The following ADAMTSL1 variants were observed in gnomAD, a reference collection of about 807,000 sequenced individuals.
ADAMTSL1 encodes the protein ADAMTS like 1, also known as ADAMTS-like protein 1.
A neutral mutation model predicts 201.8 loss-of-function variants in ADAMTSL1; 126 were observed. The ratio of observed to expected loss-of-function variants is 0.62; its 90% confidence interval spans 0.54 to 0.72. The LOEUF is 0.72. ADAMTSL1 is among the 30% of genes least tolerant of loss of function. The probability of loss-of-function intolerance (pLI) is 0.00; values close to 1 mark genes in which losing one functional copy is unlikely to be tolerated. For missense variants in ADAMTSL1, 2,679 were observed against 2,277.8 expected, an observed-to-expected ratio of 1.18 and a Z score of -3.59; for synonymous variants, 1,121 against 903.4, an observed-to-expected ratio of 1.24 and a Z score of -4.32.
intron 4 of ADAMTSL1, among the ~76,000 whole-genome samples, chr9:18,610,463 C>G (rs558649471): frequency 7.9e-5 from 12 of 152,236 alleles, no homozygotes; most frequent in African/African-American, 2.6e-4. Flanking sequence ...GATCAATTCT[C>G]TCCAGGCTCT....
intron 2 of ADAMTSL1, among the ~76,000 whole-genome samples, chr9:18,175,605 A>G (rs1266996791): frequency 1.3e-5 from 2 of 152,074 alleles, no homozygotes; most frequent in Admixed American, 6.6e-5. Flanking sequence ...TTCATATCAT[A>G]TTATCAGTTC....
At chr9:18,680,278 A>C (rs754821126) in intron 10 of ADAMTSL1, 34 bp from the exon 11 acceptor site, 4 of 1,602,326 alleles carry the variant, frequency 2.5e-6, no homozygotes, top group Non-Finnish European at 3.4e-6. Context: ...AGCAATGTGC[A>C]TGTCTGCCCT....
At chr9:18,884,587 A>G (rs1234380256) in intron 23 of ADAMTSL1, among the ~76,000 whole-genome samples, 1 of 152,062 alleles carries the variant, frequency 6.6e-6, no homozygotes. Context: ...GTTAATTTTT[A>G]TATATAGTGT....
intron 1 of ADAMTSL1, among the ~76,000 whole-genome samples, chr9:18,048,229 C>A (rs2131657212): frequency 6.6e-6 from 1 of 152,248 alleles, no homozygotes. Flanking sequence ...CATCAACTCA[C>A]ATTTTGTTTA....
intron 10 of ADAMTSL1, 40 bp from the exon 11 acceptor site, chr9:18,680,272 A>C (rs1830383174): frequency 6.3e-7 from 1 of 1,593,258 alleles, no homozygotes; most frequent in African/African-American, 1.3e-5. Context: ...AGGCTTAGCA[A>C]TGTGCATGTC....
chr9:18,019,524 A>G (rs1321454820), intron 1 of ADAMTSL1, among the ~76,000 whole-genome samples: 1 of 152,104 alleles, frequency 6.6e-6, no homozygotes. Flanking sequence ...GATTGAAGGT[A>G]TACCTCACAC....
At chr9:18,615,594 TTA>T (rs1377853151) in intron 4 of ADAMTSL1, among the ~76,000 whole-genome samples, 2 of 152,204 alleles carry the variant, frequency 1.3e-5, no homozygotes, top group African/African-American at 2.4e-5. Context: ...GGAATTTTGG[TTA>T]TGTTATTCAC....
intron 3 of ADAMTSL1, among the ~76,000 whole-genome samples, chr9:18,539,051 C>A (rs10963627): frequency 6.6e-6 from 1 of 151,964 alleles, no homozygotes; most frequent in Non-Finnish European, 1.5e-5. Flanking sequence ...CAGCCAAGAG[C>A]CACTCTAAGA....
chr9:18,806,748 AG>A (rs1823146628), intron 20 of ADAMTSL1, among the ~76,000 whole-genome samples: 1 of 152,338 alleles, frequency 6.6e-6, no homozygotes, highest in African/African-American at 2.4e-5. Flanking sequence ...GCATTGCTCC[AG>A]GGGTTACTCA....
intron 13 of ADAMTSL1, among the ~76,000 whole-genome samples, chr9:18,685,141 G>A (rs1361680625): frequency 6.6e-6 from 1 of 152,202 alleles, no homozygotes. Flanking sequence ...GCCAAAGTCT[G>A]AGCTGCTTTT....
intron 1 of ADAMTSL1, among the ~76,000 whole-genome samples, chr9:17,925,795 T>C (rs1370489676): frequency 4.0e-5 from 6 of 150,050 alleles, no homozygotes; most frequent in African/African-American, 1.2e-4. Context: ...GCATGGCGCA[T>C]GTATACGTAT....
At chr9:18,083,627 T>C (rs1823612931) in intron 1 of ADAMTSL1, among the ~76,000 whole-genome samples, 1 of 152,248 alleles carries the variant, frequency 6.6e-6, no homozygotes, top group Non-Finnish European at 1.5e-5. Flanking sequence ...CACAGTCATC[T>C]GGAATTCCAA....
At chr9:18,858,709 C>T (rs575393340) in intron 23 of ADAMTSL1, among the ~76,000 whole-genome samples, 1 of 152,268 alleles carries the variant, frequency 6.6e-6, no homozygotes, top group African/African-American at 2.4e-5. Context: ...TTGCTTACGT[C>T]AAATCTTACC....
chr9:18,573,047 T>A (rs1240569113), intron 3 of ADAMTSL1, among the ~76,000 whole-genome samples: 3 of 152,200 alleles, frequency 2.0e-5, no homozygotes, highest in Non-Finnish European at 2.9e-5. Context: ...ATTCATTAGA[T>A]AATGGCCATT....
chr9:18,538,913 G>A (rs906976330), intron 3 of ADAMTSL1, among the ~76,000 whole-genome samples: 1 of 152,152 alleles, frequency 6.6e-6, no homozygotes, highest in African/African-American at 2.4e-5. Context: ...GAATTTGAAA[G>A]AAACTGTTGA....
intron 16 of ADAMTSL1, among the ~76,000 whole-genome samples, chr9:18,765,335 T>C (rs1214812775): frequency 2.0e-5 from 3 of 152,194 alleles, no homozygotes; most frequent in African/African-American, 7.2e-5. Flanking sequence ...TCTGAAGGAC[T>C]CAATAGGACC....
chr9:18,841,689 C>G (rs142658420), intron 23 of ADAMTSL1, among the ~76,000 whole-genome samples: 6,714 of 152,218 alleles, frequency 0.044, 204 homozygotes, highest in East Asian at 0.17. Context: ...GGTTGGTAAG[C>G]TATTGATTAT....
At chr9:18,798,207 A>G (rs1822554809) in intron 20 of ADAMTSL1, among the ~76,000 whole-genome samples, 1 of 152,150 alleles carries the variant, frequency 6.6e-6, no homozygotes, top group Non-Finnish European at 1.5e-5. Context: ...ATGCAGGGAA[A>G]TTTGTTCATA....
At position 18,829,952 on chromosome 9, in the gene ADAMTSL1, G is replaced by C. The variant is rs1267930873; in HGVS notation, c.4224G>C (p.Leu1408=). 3 of 1,612,954 alleles carry C rather than the reference G, an allele frequency of 1.9e-6. No homozygotes were observed. The Admixed American group carries it at 5.0e-5, about 27-fold the overall frequency. The change falls in exon 23 of 29, where the codon CTG becomes CTC. Residue 1408 remains leucine (L), a synonymous_variant. Coordinates refer to ENST00000380548, the MANE Select transcript of ADAMTSL1 (RefSeq NM_001040272.6). ...CTCCTCTGGGAACACAGCTGGTCCT[G>C]GATCCTGGGAATTCTGCTCTCCTTG... ...LTSPLGTQLV[L]DPGNSALLGC...
Sources: gnomAD v4.1 joint callset for allele counts (sites outside exome capture counted in the v4.1 genomes callset) on GRCh38, gnomAD v4.1.1 for gene constraint, MANE v1.5 for transcripts, NCBI Gene and HGNC (gene_info 2026-07-23, HGNC 2026-07-21) for gene names.